CSF1R: variants seen among roughly 807,000 people sequenced by gnomAD.
The protein encoded by CSF1R is macrophage colony-stimulating factor 1 receptor.
CSF1R carries 40 observed loss-of-function variants against 110.0 expected under a neutral mutation model. The ratio of observed to expected loss-of-function variants is 0.36; its 90% CI spans 0.28 to 0.47. The LOEUF (loss-of-function observed/expected upper bound fraction) is 0.47, where lower values mean the gene tolerates loss of function less well. CSF1R is among the 20% of genes least tolerant of loss of function. The pLI, the probability that CSF1R is intolerant of heterozygous loss-of-function variation, is 0.99. For synonymous variants in CSF1R, 523 were observed against 503.4 expected (o/e 1.04, Z -0.52); for missense variants, 1,052 against 1,253.0 (o/e 0.84, Z 2.42).
intron 1 of CSF1R, among the ~76,000 whole-genome samples, chr5:150,093,058 A>C (rs867915000): frequency 6.6e-6 from 1 of 152,032 alleles, no homozygotes; most frequent in Admixed American, 6.6e-5. Context: ...TACTCTTGTC[A>C]GGTCCTCATG....
Position 150,055,217 on chromosome 5 carries a change from C to A in CSF1R, c.2654+20G>T. 6.2e-7 allele frequency: 1 copy of A among 1,609,166 alleles called. No individual in the cohort carries two copies. The highest frequency in any genetic ancestry group is 8.5e-7 in the Non-Finnish European group (1 of 1,175,534). On this transcript the variant is annotated intron_variant, in intron 19 of 20. Transcript: ENST00000675795. ...AAAGCCTGGGGTGTCCTTTTCCCTC[C>A]CTGGGATCCCTTCGCTTACATATTC...
rs1325333723 is a variant in CSF1R at position 150,080,851 on chromosome 5, T to A, written c.223A>T (p.Thr75Ser). 1 of 1,614,136 alleles carries A rather than the reference T, an allele frequency of 6.2e-7. No homozygotes were observed. The highest frequency in any genetic ancestry group is 8.5e-7 in the Non-Finnish European group (1 of 1,180,012). Reference sequence around the variant, plus strand: ...CGATAGGTCCCCGTGTTTTGGAAGGTAGCGTTGTTGGTGCTGAGGATGCTG... The same window carrying A: ...CGATAGGTCCCCGTGTTTTGGAAGGAAGCGTTGTTGGTGCTGAGGATGCTG... ...SSSILSTNNA[T>S]FQNTGTYRCT... The change falls in exon 2 of 21, where the codon ACC becomes TCC. Residue 75 changes from threonine to serine, a missense_variant. Around this residue, in one of 5 missense-constraint regions of CSF1R, gnomAD observed 693 missense variants for 735.4 expected, o/e 0.94. Coordinates refer to ENST00000675795, the MANE Select transcript of CSF1R (RefSeq NM_001288705.3).
upstream of CSF1R, among the ~76,000 whole-genome samples, chr5:150,088,951 A>G: frequency 6.6e-6 from 1 of 152,266 alleles, no homozygotes; most frequent in East Asian, 1.9e-4. Context: ...ACATCACATT[A>G]ATAGAATGAA....
rs536696469 is a variant in CSF1R at position 150,073,511 on chromosome 5, C to A, written c.890-18G>T. On this transcript the variant is annotated intron_variant, in intron 5 of 20. Transcript: ENST00000675795. Reference sequence around the variant, plus strand: ...GGCACTCTCTGGAAAGCAGAACACACAAGCATCTGGCATTAGTGGGAAGAT... The same window carrying A: ...GGCACTCTCTGGAAAGCAGAACACAAAAGCATCTGGCATTAGTGGGAAGAT... 6.6e-5 allele frequency: 106 copies of A among 1,606,090 alleles called. 3 individuals are homozygous for A. The South Asian group carries it at 1.0e-3, about 16-fold the overall frequency.
chr5:150,111,172 C>T (rs553733885), intron 1 of CSF1R, among the ~76,000 whole-genome samples: 13 of 152,274 alleles, frequency 8.5e-5, no homozygotes, highest in South Asian at 6.2e-4. Context: ...GAAGAAGGGA[C>T]GTGAATGGGA....
At chr5:150,105,627 A>G (rs369277361) in intron 1 of CSF1R, among the ~76,000 whole-genome samples, 1 of 152,094 alleles carries the variant, frequency 6.6e-6, no homozygotes, top group Admixed American at 6.6e-5. Context: ...GGCTCAAGCA[A>G]TCCTCCTGCC....
chr5:150,063,672 C>T (rs969527639), intron 10 of CSF1R, among the ~76,000 whole-genome samples: 1 of 152,074 alleles, frequency 6.6e-6, no homozygotes, highest in Non-Finnish European at 1.5e-5. Context: ...GGAGGAATGG[C>T]TGCCCCTGTT....
At chr5:150,062,849 G>A (rs1757591522) in intron 10 of CSF1R, among the ~76,000 whole-genome samples, 1 of 152,184 alleles carries the variant, frequency 6.6e-6, no homozygotes, top group African/African-American at 2.4e-5. Context: ...GTGACCATCA[G>A]AGGAAGAATT....
chr5:150,057,425 C>T (rs1403036271), intron 15 of CSF1R, 41 bp from the exon 16 acceptor site: 28 of 1,611,224 alleles, frequency 1.7e-5, no homozygotes, highest in Non-Finnish European at 2.1e-5. Context: ...TGCCACACTC[C>T]CCACCCCTCA....
intron 3 of CSF1R, among the ~76,000 whole-genome samples, chr5:150,079,152 ACTAGGGCCCAGGAC>A (rs1758411875): frequency 6.6e-6 from 1 of 152,236 alleles, no homozygotes; most frequent in South Asian, 2.1e-4. Context: ...TCAAGGCAGA[ACTAGGGCCCAGGAC>A]CTTTGGCTCT....
At chr5:150,068,179 T>A in intron 10 of CSF1R, 36 bp downstream of exon 10, 1 of 1,558,342 alleles carries the variant, frequency 6.4e-7, no homozygotes, top group Non-Finnish European at 8.8e-7. Context: ...TCTGGCTCAC[T>A]CAGGCACCTG....
intron 1 of CSF1R, among the ~76,000 whole-genome samples, chr5:150,112,544 G>A (rs1759754208): frequency 6.6e-6 from 1 of 152,264 alleles, no homozygotes; most frequent in South Asian, 2.1e-4. Flanking sequence ...CCTCCAGACA[G>A]AGGCTTTTGC....
At chr5:150,074,962 CTCCTTT>C (rs1163181809) in intron 5 of CSF1R, among the ~76,000 whole-genome samples, 1 of 152,168 alleles carries the variant, frequency 6.6e-6, no homozygotes, top group East Asian at 1.9e-4. Flanking sequence ...TCCCATCCTC[CTCCTTT>C]TCATTATAGA....
intron 9 of CSF1R, 76 bp from the exon 10 acceptor site, chr5:150,068,406 T>A: frequency 3.3e-6 from 3 of 899,078 alleles, no homozygotes; most frequent in Non-Finnish European, 5.3e-6. Flanking sequence ...GCACACTGCC[T>A]GGAACACAGT....
rs768346392 is a variant in CSF1R at position 150,078,124 on chromosome 5, G to A, written c.717C>T (p.His239=). Residue 239 remains histidine, a synonymous_variant, in exon 4 of 21, where the codon CAC becomes CAT. Coordinates refer to ENST00000675795, the MANE Select transcript of CSF1R (RefSeq NM_001288705.3). ...VDVNFDVFLQ[H]NNTKLAIPQQ... ...TGCAGGGACTGACCTTGGTGTTGTTGTGTTGGAGGAAGACATCAAAGTTAA... is the reference window on the plus strand; with the variant it reads ...TGCAGGGACTGACCTTGGTGTTGTTATGTTGGAGGAAGACATCAAAGTTAA... 6 of 1,614,148 alleles carry A rather than the reference G, an allele frequency of 3.7e-6. No homozygotes were observed. Among genetic ancestry groups the A allele is most frequent in the Non-Finnish European group, 5.1e-6 (6 of 1,180,012 alleles).
chr5:150,094,205 A>G (rs1462614138), intron 1 of CSF1R: 1 of 710,944 alleles, frequency 1.4e-6, no homozygotes, highest in Non-Finnish European at 2.3e-6. Flanking sequence ...GGGACATTAC[A>G]TAGTGAAGAC....
intron 10 of CSF1R, among the ~76,000 whole-genome samples, chr5:150,064,130 C>T (rs934624414): frequency 3.3e-5 from 5 of 152,066 alleles, no homozygotes; most frequent in African/African-American, 1.2e-4. Context: ...AAGATGGCAC[C>T]AACAGACACT....
intron 10 of CSF1R, 58 bp from the exon 11 acceptor site, chr5:150,061,907 T>C: frequency 2.5e-6 from 4 of 1,609,596 alleles, no homozygotes; most frequent in Non-Finnish European, 3.4e-6. Flanking sequence ...TCCTGGACCT[T>C]GTTTCTGACC....
At chr5:150,092,411 G>A (rs1323697162) in intron 1 of CSF1R, among the ~76,000 whole-genome samples, 1 of 151,658 alleles carries the variant, frequency 6.6e-6, no homozygotes, top group Non-Finnish European at 1.5e-5. Context: ...ACTGCAGATA[G>A]TACTAAACCC....
Sources: gnomAD v4.1 joint callset for allele counts (sites outside exome capture counted in the v4.1 genomes callset) on GRCh38, gnomAD v4.1.1 for gene constraint, gnomAD v4.1.1 regional missense constraint, MANE v1.5 for transcripts, NCBI Gene and HGNC (gene_info 2026-07-23, HGNC 2026-07-21) for gene names.